The following SLC10A7 variants were observed in gnomAD, a reference collection of about 807,000 sequenced individuals.
SLC10A7 encodes solute carrier family 10 member 7, also known as sodium/bile acid cotransporter 7.
Under a neutral mutation model 43.2 loss-of-function variants are expected in SLC10A7, and 29 were observed. The ratio of observed to expected loss-of-function variants is 0.67; its 90% confidence interval spans 0.50 to 0.92. The LOEUF is 0.92. SLC10A7 is among the 40% of genes least tolerant of loss of function. The pLI, the probability that SLC10A7 is intolerant of heterozygous loss-of-function variation, is 0.00. For synonymous variants in SLC10A7, 152 were observed against 144.8 expected (o/e 1.05, Z -0.35); for missense variants, 295 against 403.2 (o/e 0.73, Z 2.30).
chr4:146,272,509 C>A (rs187514003), intron 10 of SLC10A7, among the ~76,000 whole-genome samples: 3 of 152,128 alleles, frequency 2.0e-5, no homozygotes, highest in African/African-American at 4.8e-5. Context: ...CAGCTGTAGG[C>A]TCATGTATTC....
intron 6 of SLC10A7, 93 bp downstream of exon 6, chr4:146,325,868 A>T: frequency 8.7e-7 from 1 of 1,152,226 alleles, no homozygotes; most frequent in Middle Eastern, 2.6e-4. Context: ...GGTGCAAAAT[A>T]ATTCAAATTT....
intron 7 of SLC10A7, among the ~76,000 whole-genome samples, chr4:146,305,025 C>T (rs923140132): frequency 8.6e-5 from 13 of 151,546 alleles, no homozygotes; most frequent in South Asian, 6.3e-4. Context: ...GGCGATTCCT[C>T]GGGGATCTAG....
At chr4:146,277,808 G>C (rs1392731275) in intron 10 of SLC10A7, among the ~76,000 whole-genome samples, 1 of 150,014 alleles carries the variant, frequency 6.7e-6, no homozygotes, top group Non-Finnish European at 1.5e-5. Flanking sequence ...GGTAAGGCTG[G>C]CTCACTAGAT....
intron 5 of SLC10A7, among the ~76,000 whole-genome samples, chr4:146,403,023 G>A (rs934311173): frequency 2.0e-5 from 3 of 152,096 alleles, no homozygotes; most frequent in Admixed American, 6.6e-5. Flanking sequence ...GAATAATAAT[G>A]AGTTAATGTC....
intron 5 of SLC10A7, among the ~76,000 whole-genome samples, chr4:146,413,773 G>A (rs1300462626): frequency 6.6e-6 from 1 of 152,166 alleles, no homozygotes; most frequent in African/African-American, 2.4e-5. Context: ...AGATTTGAGA[G>A]TCATATAAGG....
At chr4:146,263,814 T>C (rs548783913) in intron 10 of SLC10A7, among the ~76,000 whole-genome samples, 1 of 152,344 alleles carries the variant, frequency 6.6e-6, no homozygotes, top group South Asian at 2.1e-4. Flanking sequence ...GTCTGAAAGA[T>C]GTTAGAAGGC....
rs138187217 is a variant in SLC10A7 at position 146,401,517 on chromosome 4, A to C, written c.435+41266T>G. Among the ~76,000 whole-genome samples the C allele has an allele frequency of 7.2e-5, 11 of 152,306 alleles. No individual in the cohort carries two copies. In the East Asian group the frequency reaches 1.9e-3, roughly 27 times the overall value. On this transcript the variant is annotated intron_variant, in intron 5 of 11. Transcript: ENST00000335472. ...CACTGGTGAGAGACGGAATAAAGAA[A>C]GAACAAAATGAGGGAAAGCAACACT...
At chr4:146,324,277 C>T (rs1732951100) in intron 6 of SLC10A7, among the ~76,000 whole-genome samples, 1 of 152,056 alleles carries the variant, frequency 6.6e-6, no homozygotes, top group South Asian at 2.1e-4. Flanking sequence ...CAATGCCATC[C>T]CCATCAAGCT....
chr4:146,493,957 G>A (rs559909653), intron 4 of SLC10A7, among the ~76,000 whole-genome samples: 28 of 152,274 alleles, frequency 1.8e-4, no homozygotes, highest in African/African-American at 4.6e-4. Context: ...CTCGACATAC[G>A]TTTTTGAATA....
intron 5 of SLC10A7, among the ~76,000 whole-genome samples, chr4:146,400,546 C>T (rs1426388473): frequency 6.6e-6 from 1 of 151,982 alleles, no homozygotes; most frequent in Non-Finnish European, 1.5e-5. Flanking sequence ...CTTATCGAAA[C>T]GTTTTCTGAA....
intron 1 of SLC10A7, among the ~76,000 whole-genome samples, chr4:146,521,307 T>C (rs1315779408): frequency 6.6e-6 from 1 of 152,030 alleles, no homozygotes; most frequent in Non-Finnish European, 1.5e-5. Context: ...CTAGATTCCC[T>C]TGGGATAGGA....
In SLC10A7 at chr4:146,421,630, C is replaced by G. The variant is rs908380165; in HGVS notation, c.435+21153G>C. On this transcript the variant is annotated intron_variant, in intron 5 of 11. Coordinates refer to ENST00000335472, the MANE Select transcript of SLC10A7 (RefSeq NM_001029998.6). ...TGGGCTTACTCCAGTAAATGCCCCT[C>G]TTTTCACTTTCTTGCCTGCAACTGA... Among the ~76,000 whole-genome samples the G allele has an allele frequency of 3.2e-4, 49 of 152,302 alleles. No individual in the cohort carries two copies. The Middle Eastern group carries it at 0.01, about 32-fold the overall frequency.
At chr4:146,397,677 C>T (rs889092439) in intron 5 of SLC10A7, among the ~76,000 whole-genome samples, 1 of 152,092 alleles carries the variant, frequency 6.6e-6, no homozygotes, top group Admixed American at 6.6e-5. Flanking sequence ...ATGGCTAGTC[C>T]ACTCACACTG....
chr4:146,516,755 T>A (rs540672039), intron 2 of SLC10A7, among the ~76,000 whole-genome samples: 6 of 152,152 alleles, frequency 3.9e-5, no homozygotes, highest in African/African-American at 1.2e-4. Context: ...GTTACCACCA[T>A]AAGTTGAGGA....
At chr4:146,461,254 A>C (rs923421799) in intron 4 of SLC10A7, among the ~76,000 whole-genome samples, 1 of 152,010 alleles carries the variant, frequency 6.6e-6, no homozygotes. Context: ...CTTACAATGG[A>C]GTCTGAAGAT....
chr4:146,323,781 C>T (rs1324509731), intron 6 of SLC10A7, among the ~76,000 whole-genome samples: 2 of 152,138 alleles, frequency 1.3e-5, no homozygotes, highest in African/African-American at 4.8e-5. Context: ...GATGCCCTCT[C>T]TCACCACTCC....
chr4:146,264,293 A>G (rs1049015003), intron 10 of SLC10A7, among the ~76,000 whole-genome samples: 1 of 152,118 alleles, frequency 6.6e-6, no homozygotes, highest in Admixed American at 6.6e-5. Flanking sequence ...TATTGGATGG[A>G]CAGTTTTTTA....
intron 4 of SLC10A7, among the ~76,000 whole-genome samples, chr4:146,451,148 G>A (rs1417653359): frequency 1.5e-5 from 2 of 135,486 alleles, no homozygotes; most frequent in African/African-American, 5.4e-5. Context: ...GACAGAAAAA[G>A]TACATATAAA....
At chr4:146,516,431 ATACACACACACTT>A in intron 2 of SLC10A7, among the ~76,000 whole-genome samples, 1 of 149,010 alleles carries the variant, frequency 6.7e-6, no homozygotes, top group Admixed American at 6.7e-5. Flanking sequence ...GTGTGTGTGT[ATACACACACACTT>A]TTGACACATA....
Sources: allele counts gnomAD v4.1 joint callset (sites outside exome capture counted in the v4.1 genomes callset), GRCh38; gene constraint gnomAD v4.1.1; transcripts MANE v1.5; gene names NCBI Gene and HGNC (gene_info 2026-07-23, HGNC 2026-07-21).